CAPZB: variants seen among roughly 807,000 people sequenced by gnomAD.
CAPZB encodes capping actin protein of muscle Z-line subunit beta.
Under a neutral mutation model 38.1 loss-of-function variants are expected in CAPZB, and 2 were observed. That is an observed-to-expected ratio of 0.05 (90% CI 0.02 to 0.17). The LOEUF is 0.17. Among genes scored for constraint, CAPZB ranks in the 10% least tolerant of loss-of-function variants. CAPZB has a pLI of 1.00. For synonymous variants in CAPZB, 107 were observed against 127.4 expected (o/e 0.84, Z 1.08); for missense variants, 161 against 334.2 (o/e 0.48, Z 4.04).
chr1:19,443,031 T>C (rs1026722721), intron 1 of CAPZB, among the ~76,000 whole-genome samples: 4 of 152,086 alleles, frequency 2.6e-5, no homozygotes, highest in Non-Finnish European at 5.9e-5. Context: ...CAAAAAAACC[T>C]TAAAATCATA....
chr1:19,456,423 A>G (rs2094533253), intron 1 of CAPZB, among the ~76,000 whole-genome samples: 1 of 152,184 alleles, frequency 6.6e-6, no homozygotes, highest in African/African-American at 2.4e-5. Flanking sequence ...AATAAATCCC[A>G]CAAGATAATC....
At chr1:19,427,265 G>A (rs937678712) in intron 1 of CAPZB, among the ~76,000 whole-genome samples, 6 of 152,192 alleles carry the variant, frequency 3.9e-5, no homozygotes, top group East Asian at 1.9e-4. Context: ...GCAGATTTGT[G>A]CTTAACAGCA....
intron 1 of CAPZB, among the ~76,000 whole-genome samples, chr1:19,434,915 G>C (rs1254629046): frequency 6.7e-6 from 1 of 150,334 alleles, no homozygotes; most frequent in Non-Finnish European, 1.5e-5. Flanking sequence ...CACCCAAAAG[G>C]CAGGAGAGTG....
At chr1:19,416,112 A>C (rs1038940826) in intron 2 of CAPZB, among the ~76,000 whole-genome samples, 2 of 152,186 alleles carry the variant, frequency 1.3e-5, no homozygotes, top group East Asian at 1.9e-4. Context: ...GAGAACCACT[A>C]ATCATAAATG....
chr1:19,456,320 A>C (rs1379923662), intron 1 of CAPZB, among the ~76,000 whole-genome samples: 1 of 152,252 alleles, frequency 6.6e-6, no homozygotes, highest in Non-Finnish European at 1.5e-5. Flanking sequence ...AAATTTTAAA[A>C]TAATCTGAAT....
At chr1:19,427,769 T>C (rs1008625839) in intron 1 of CAPZB, among the ~76,000 whole-genome samples, 2 of 152,146 alleles carry the variant, frequency 1.3e-5, no homozygotes, top group Non-Finnish European at 2.9e-5. Context: ...CATGGGAAAA[T>C]CCAATACCCT....
intron 6 of CAPZB, among the ~76,000 whole-genome samples, chr1:19,350,384 G>A (rs1285911105): frequency 6.6e-6 from 1 of 152,256 alleles, no homozygotes; most frequent in African/African-American, 2.4e-5. Flanking sequence ...CTCACCGATT[G>A]TCAAAGCACA....
At chr1:19,396,619 G>T (rs2094271089) in intron 2 of CAPZB, among the ~76,000 whole-genome samples, 1 of 151,934 alleles carries the variant, frequency 6.6e-6, no homozygotes, top group Non-Finnish European at 1.5e-5. Context: ...CTCAGTCCTC[G>T]GTCCAGCTTT....
At chr1:19,459,970 A>C (rs2094545387) in intron 1 of CAPZB, among the ~76,000 whole-genome samples, 1 of 152,172 alleles carries the variant, frequency 6.6e-6, no homozygotes, top group African/African-American at 2.4e-5. Context: ...AATGGCCCCA[A>C]AGCGCAAGAG....
At chr1:19,454,857 A>AC (rs2094528037) in intron 1 of CAPZB, among the ~76,000 whole-genome samples, 1 of 152,250 alleles carries the variant, frequency 6.6e-6, no homozygotes, top group African/African-American at 2.4e-5. Flanking sequence ...CATCTAAATG[A>AC]TGTTTAAAAT....
intron 3 of CAPZB, among the ~76,000 whole-genome samples, chr1:19,381,321 C>CA (rs1282458121): frequency 1.3e-5 from 2 of 150,218 alleles, no homozygotes; most frequent in African/African-American, 4.9e-5. Context: ...TGTTGATCCT[C>CA]ATGCCTGTCA....
chr1:19,449,381 AT>A, intron 1 of CAPZB: 1 of 987,362 alleles, frequency 1.0e-6, no homozygotes, highest in Non-Finnish European at 1.2e-6. Flanking sequence ...TCTCTATGCC[AT>A]CCACTAGCAT....
At chr1:19,375,887 T>TAGG (rs2094142101) in intron 4 of CAPZB, among the ~76,000 whole-genome samples, 1 of 152,162 alleles carries the variant, frequency 6.6e-6, no homozygotes, top group Non-Finnish European at 1.5e-5. Context: ...GATTCAGTGA[T>TAGG]TATTCTGAAG....
At chr1:19,428,064 T>C (rs902525680) in intron 1 of CAPZB, among the ~76,000 whole-genome samples, 7 of 152,212 alleles carry the variant, frequency 4.6e-5, no homozygotes, top group African/African-American at 1.7e-4. Flanking sequence ...GGTGACCTGT[T>C]GTTATATGAG....
At chr1:19,451,596 A>G (rs2094516203) in intron 1 of CAPZB, among the ~76,000 whole-genome samples, 1 of 152,142 alleles carries the variant, frequency 6.6e-6, no homozygotes, top group Admixed American at 6.5e-5. Context: ...TGAGAGGGAG[A>G]CGCCACCATC....
At chr1:19,414,081 G>A (rs2094368803) in intron 2 of CAPZB, among the ~76,000 whole-genome samples, 1 of 151,906 alleles carries the variant, frequency 6.6e-6, no homozygotes. Context: ...GCTGCTTCAC[G>A]GAGAGCAGGT....
chr1:19,376,518 G>A (rs1270492435), intron 4 of CAPZB, among the ~76,000 whole-genome samples: 1 of 152,216 alleles, frequency 6.6e-6, no homozygotes, highest in Non-Finnish European at 1.5e-5. Flanking sequence ...ACCAGTCTCA[G>A]GGCCTTAGAC....
chr1:19,457,406 G>C (rs937646991), intron 1 of CAPZB, among the ~76,000 whole-genome samples: 1 of 152,176 alleles, frequency 6.6e-6, no homozygotes, highest in African/African-American at 2.4e-5. Context: ...TGGCGCACAG[G>C]CTGGCTCAGA....
chr1:19,425,057 T>C (rs193110143), intron 1 of CAPZB, among the ~76,000 whole-genome samples: 4 of 152,344 alleles, frequency 2.6e-5, no homozygotes, highest in Admixed American at 6.5e-5. Context: ...CACTGATTTG[T>C]ACTTCTTTGT....
Sources: gnomAD v4.1 joint callset for allele counts (sites outside exome capture counted in the v4.1 genomes callset) on GRCh38, gnomAD v4.1.1 for gene constraint, MANE v1.5 for transcripts, NCBI Gene and HGNC (gene_info 2026-07-23, HGNC 2026-07-21) for gene names.